ZMYM1: variants seen among roughly 807,000 people sequenced by gnomAD.
ZMYM1 encodes the protein zinc finger MYM-type protein 1.
In ZMYM1, 39 loss-of-function variants were observed where a neutral mutation model predicts 60.0. The ratio of observed to expected loss-of-function variants is 0.65; its 90% CI spans 0.50 to 0.85. The LOEUF (loss-of-function observed/expected upper bound fraction) is 0.85. Among genes scored for constraint, ZMYM1 ranks in the 40% least tolerant of loss-of-function variants. ZMYM1 has a pLI of 0.00. For missense variants in ZMYM1, 1,171 were observed against 1,309.5 expected (o/e 0.89, Z 1.63); for synonymous variants, 413 against 454.0 (o/e 0.91, Z 1.15).
At chr1:35,103,743 A>G (rs569784127) in intron 4 of ZMYM1, among the ~76,000 whole-genome samples, 1 of 152,310 alleles carries the variant, frequency 6.6e-6, no homozygotes, top group South Asian at 2.1e-4. Flanking sequence ...GCAAACATCA[A>G]CACGGTGAAA....
At chr1:35,092,975 G>A (rs1474165552) in intron 1 of ZMYM1, among the ~76,000 whole-genome samples, 1 of 152,152 alleles carries the variant, frequency 6.6e-6, no homozygotes. Flanking sequence ...GAGCAGGCAA[G>A]GAGAGTACTG....
chr1:35,114,538 A>C lies in ZMYM1; in HGVS notation c.2708A>C (p.Glu903Ala), dbSNP rs1644203829. Residue 903 changes from glutamate to alanine, a missense_variant, in exon 10 of 10, where the codon GAA becomes GCA. Transcript: ENST00000359858. ...GCAATTTTGGAATGTTTATCATCTG[A>C]AAGAAATGACGTATACTTTAAAACA... is the stretch of plus-strand genomic sequence containing the variant. ...IEAILECLSSERNDVYFKTIW... is the reference protein window; with the variant it reads ...IEAILECLSSARNDVYFKTIW... 8 of 1,610,650 alleles carry C rather than the reference A, an allele frequency of 5.0e-6. No individual in the cohort carries two copies. Among genetic ancestry groups the C allele is most frequent in the Non-Finnish European group, 6.8e-6 (8 of 1,178,472 alleles).
At chr1:35,081,156 C>A (rs1208755971) in intron 1 of ZMYM1, among the ~76,000 whole-genome samples, 2 of 151,812 alleles carry the variant, frequency 1.3e-5, no homozygotes, top group Non-Finnish European at 2.9e-5. Flanking sequence ...AGAACTCCGA[C>A]CTCAGCTGAT....
intron 4 of ZMYM1, among the ~76,000 whole-genome samples, chr1:35,102,290 A>C (rs1643701504): frequency 6.6e-6 from 1 of 152,208 alleles, no homozygotes; most frequent in Non-Finnish European, 1.5e-5. Context: ...CATGTGGATC[A>C]GTGAACTTTT....
intron 6 of ZMYM1, among the ~76,000 whole-genome samples, chr1:35,105,856 C>A (rs1243334410): frequency 6.6e-6 from 1 of 152,210 alleles, no homozygotes; most frequent in African/African-American, 2.4e-5. Flanking sequence ...ATCCTCCTGC[C>A]TTGGTCTCCT....
rs116893442 is a variant in ZMYM1 at position 35,103,909 on chromosome 1, C to T, written c.420-386C>T. ...ATCCCTCGGTTTTCACTAGCACCAC[C>T]TAATAATACAGGCTGGCTAGTCTCC... On this transcript the variant is annotated intron_variant, in intron 4 of 9. Transcript: ENST00000359858. Among the ~76,000 whole-genome samples the T allele has an allele frequency of 1.2e-3, 188 of 152,280 alleles. No homozygotes were observed. The East Asian group carries it at 0.033, about 26-fold the overall frequency.
chr1:35,067,985 G>A (rs1283938050), intron 1 of ZMYM1, among the ~76,000 whole-genome samples: 2 of 152,104 alleles, frequency 1.3e-5, no homozygotes, highest in Admixed American at 6.5e-5. Flanking sequence ...ACAGGGTCTC[G>A]CTATTTTGCT....
chr1:35,115,031 A>C lies in ZMYM1; in HGVS notation c.3201A>C (p.Ser1067=). 6.2e-7 allele frequency: 1 copy of C among 1,614,020 alleles called. No homozygotes were observed. Residue 1067 remains serine (S), a synonymous_variant, in exon 10 of 10, where the codon TCA becomes TCC. Coordinates refer to ENST00000359858, the MANE Select transcript of ZMYM1 (RefSeq NM_024772.5). The part of the protein sequence containing the change: ...HGLHSNIPCL[S]KLLYIALSWP... ...TTCACAGTAATATTCCTTGTCTCTCAAAGCTATTATATATTGCTTTGTCTT... is the reference window on the plus strand; with the variant it reads ...TTCACAGTAATATTCCTTGTCTCTCCAAGCTATTATATATTGCTTTGTCTT...
At chr1:35,090,230 A>G (rs1372553367) in intron 1 of ZMYM1, among the ~76,000 whole-genome samples, 3 of 152,018 alleles carry the variant, frequency 2.0e-5, no homozygotes, top group Admixed American at 2.0e-4. Flanking sequence ...TTAAGGATCT[A>G]GGAGACAGGA....
At chr1:35,085,888 T>G (rs1642627153) in intron 1 of ZMYM1, among the ~76,000 whole-genome samples, 1 of 152,230 alleles carries the variant, frequency 6.6e-6, no homozygotes, top group East Asian at 1.9e-4. Flanking sequence ...GCCCACATAC[T>G]CTGTGTCTAA....
intron 1 of ZMYM1, among the ~76,000 whole-genome samples, chr1:35,067,610 C>T (rs992061344): frequency 1.3e-5 from 2 of 152,156 alleles, no homozygotes; most frequent in Admixed American, 1.3e-4. Flanking sequence ...TGCAGTGGCT[C>T]ACTCCTGTGG....
chr1:35,101,563 G>A (rs1056941478), intron 4 of ZMYM1, among the ~76,000 whole-genome samples: 2 of 150,346 alleles, frequency 1.3e-5, no homozygotes, highest in Non-Finnish European at 3.0e-5. Context: ...TCTTTATTCT[G>A]TCTGAAAGGT....
intron 1 of ZMYM1, among the ~76,000 whole-genome samples, chr1:35,063,879 A>C (rs1641920024): frequency 6.6e-6 from 1 of 152,214 alleles, no homozygotes; most frequent in Non-Finnish European, 1.5e-5. Flanking sequence ...GAGAGGTGGC[A>C]CTAAAAGAGA....
chr1:35,087,329 G>T (rs955328828), intron 1 of ZMYM1, among the ~76,000 whole-genome samples: 1 of 151,792 alleles, frequency 6.6e-6, no homozygotes, highest in Non-Finnish European at 1.5e-5. Context: ...AACCATCAGG[G>T]TTATATAAAT....
At chr1:35,084,444 A>G (rs1398866006) in intron 1 of ZMYM1, among the ~76,000 whole-genome samples, 1 of 152,228 alleles carries the variant, frequency 6.6e-6, no homozygotes, top group African/African-American at 2.4e-5. Flanking sequence ...TAAGGTTGCC[A>G]TTAGGCACGT....
At chr1:35,079,593 G>C (rs558811006) in intron 1 of ZMYM1, among the ~76,000 whole-genome samples, 151 bp downstream of exon 1, 1 of 152,186 alleles carries the variant, frequency 6.6e-6, no homozygotes, top group Non-Finnish European at 1.5e-5. Flanking sequence ...CCAGATGGGG[G>C]TCGGGAACTC....
chr1:35,065,371 T>A (rs1641956276), intron 1 of ZMYM1, among the ~76,000 whole-genome samples: 1 of 152,162 alleles, frequency 6.6e-6, no homozygotes, highest in Admixed American at 6.6e-5. Context: ...TTGATTTTTT[T>A]AATACCATCT....
At chr1:35,088,987 A>G (rs1465016340) in intron 1 of ZMYM1, among the ~76,000 whole-genome samples, 1 of 150,804 alleles carries the variant, frequency 6.6e-6, no homozygotes, top group Non-Finnish European at 1.5e-5. Context: ...AATTTTTTGT[A>G]TTTTTTAGTG....
At chr1:35,099,534 A>T (rs906177647) in intron 4 of ZMYM1, among the ~76,000 whole-genome samples, 2 of 152,174 alleles carry the variant, frequency 1.3e-5, no homozygotes, top group African/African-American at 4.8e-5. Flanking sequence ...TTTTATAAAA[A>T]ATATTATATT....
Sources: gnomAD v4.1 joint callset for allele counts (sites outside exome capture counted in the v4.1 genomes callset) on GRCh38, gnomAD v4.1.1 for gene constraint, MANE v1.5 for transcripts, NCBI Gene and HGNC (gene_info 2026-07-23, HGNC 2026-07-21) for gene names.